AGO4: variants seen among roughly 807,000 people sequenced by gnomAD.
AGO4 encodes the protein protein argonaute-4.
Under a neutral mutation model 104.7 loss-of-function variants are expected in AGO4, and 33 were observed. The ratio of observed to expected loss-of-function variants is 0.32; its 90% CI spans 0.24 to 0.42. The LOEUF is 0.42. Ranked by LOEUF, AGO4 falls within the 10% of genes least tolerant of loss-of-function variation. The pLI is 1.00. For missense variants in AGO4, 711 were observed against 1,083.4 expected (o/e 0.66, Z 4.83); for synonymous variants, 331 against 364.7 (o/e 0.91, Z 1.05).
At chr1:35,807,667 C>A (rs773339937), upstream of AGO4, among the ~76,000 whole-genome samples, 24 of 152,028 alleles carry the variant, frequency 1.6e-4, no homozygotes, top group Non-Finnish European at 3.2e-4. Context: ...GAGAGGGACG[C>A]GCAGTTGGGT....
intron 11 of AGO4, 109 bp downstream of exon 11, chr1:35,832,679 T>G (rs753168795): frequency 3.7e-6 from 5 of 1,349,488 alleles, no homozygotes; most frequent in Non-Finnish European, 4.9e-6. Flanking sequence ...ACTCCCATAG[T>G]GACACCATCT....
Position 35,839,385 on chromosome 1 carries a change from T to G in AGO4, c.1725-1780T>G, listed in dbSNP as rs753640866. On this transcript the variant is annotated intron_variant, in intron 13 of 17. Transcript: ENST00000373210. Reference sequence around the variant, plus strand: ...ATTTTAACCCAAACATTTGAGACAATATAGTGTAGTGGCTTAGAGTGCATA... The same window carrying G: ...ATTTTAACCCAAACATTTGAGACAAGATAGTGTAGTGGCTTAGAGTGCATA... Among the ~76,000 whole-genome samples the G allele has an allele frequency of 2.0e-5, 3 of 152,284 alleles. No individual in the cohort carries two copies. The East Asian group carries it at 5.8e-4, about 29-fold the overall frequency.
rs1225061748 is a variant in AGO4 at position 35,832,106 on chromosome 1, T to A, written c.1166T>A (p.Phe389Tyr). Residue 389 changes from phenylalanine to tyrosine, a missense_variant, in exon 10 of 18, where the codon TTT becomes TAT. Physicochemically the swap from Phe to Tyr is conservative, Grantham distance 22. Around this residue, in one of 3 missense-constraint regions of AGO4, gnomAD observed 401 missense variants for 665.5 expected, o/e 0.60. Coordinates refer to ENST00000373210, the MANE Select transcript of AGO4 (RefSeq NM_017629.4). ...GGACCTGATCCATACCTTAAAGAAT[T>A]TGGTATTGTTGTCCACAATGAAATG... ...VGGPDPYLKE[F>Y]GIVVHNEMTE... 1.9e-6 allele frequency: 3 copies of A among 1,614,054 alleles called. No homozygotes were observed. In the African/African-American group the frequency reaches 4.0e-5, roughly 22 times the overall value.
intron 11 of AGO4, 23 bp downstream of exon 11, chr1:35,832,593 C>T (rs550728081): frequency 6.2e-7 from 1 of 1,610,750 alleles, no homozygotes; most frequent in African/African-American, 1.3e-5. Flanking sequence ...ATATTTTCAG[C>T]TTAGTAATAT....
intron 1 of AGO4, among the ~76,000 whole-genome samples, chr1:35,812,858 C>T (rs1198142469): frequency 6.6e-6 from 1 of 152,074 alleles, no homozygotes; most frequent in Admixed American, 6.6e-5. Context: ...TTCCAAAGTG[C>T]TGGGATTACA....
chr1:35,823,032 A>T, intron 3 of AGO4, 50 bp downstream of exon 3: 1 of 1,581,878 alleles, frequency 6.3e-7, no homozygotes, highest in Non-Finnish European at 8.6e-7. Flanking sequence ...GTAATTATAC[A>T]TGACAAAAAT....
Position 35,841,827 on chromosome 1 carries a change from T to C in AGO4, c.2175+77T>C, listed in dbSNP as rs1644453262. On this transcript the variant is annotated intron_variant, in intron 15 of 17. Transcript: ENST00000373210. This position sits in a 1 kb window ranked among gnomAD's most constrained non-coding sequence, Gnocchi z 4.7. ...ATATATGCACATATATATATATATA[T>C]ATATATATATACACCATTTTTATAC... 2.7e-5 allele frequency: 23 copies of C among 839,662 alleles called. 2 individuals carry two copies. The South Asian group carries it at 1.0e-3, about 37-fold the overall frequency. The allele number at this position is 839,662 out of a possible 1,614,324, so 52.0% of individuals were successfully genotyped here.
rs1324736756 is a variant in AGO4, at chr1:35,857,843, A to G, written c.*4238A>G. 6.6e-6 allele frequency: 1 copy of G among 152,214 alleles called. No individual in the cohort carries two copies. Among genetic ancestry groups the G allele is most frequent in the Non-Finnish European group, 1.5e-5 (1 of 68,032 alleles). The allele number at this position is 152,214 out of a possible 1,614,324, so 9.4% of individuals were successfully genotyped here. Reference sequence around the variant, plus strand: ...TTTTAAAAATTGCTATTTGGTATACAATTATTATGTGTCAATTAAAACTAA... The same window carrying G: ...TTTTAAAAATTGCTATTTGGTATACGATTATTATGTGTCAATTAAAACTAA... On this transcript the variant is annotated 3_prime_UTR_variant, in exon 18 of 18. Transcript: ENST00000373210.
At position 35,825,947 on chromosome 1, in the gene AGO4, G is replaced by A. The variant is rs1489872831; in HGVS notation, c.647G>A (p.Arg216Gln). ...TTAGTATCTGCAACTGCTTTCTACC[G>A]GGCTCAGCCTATCATTGAGTTCATG... ...NIDVSATAFY[R>Q]AQPIIEFMCE... The change falls in exon 6 of 18, where the codon CGG (arginine) becomes CAG (glutamine). Residue 216 changes from arginine (R) to glutamine (Q), a missense_variant. By Grantham distance (43) the Arg-to-Gln change is conservative. This residue lies in a region of AGO4 where 308 missense variants were observed against 397.8 expected (regional missense o/e 0.77). Coordinates refer to ENST00000373210, the MANE Select transcript of AGO4 (RefSeq NM_017629.4). 8 of 1,613,928 alleles carry A rather than the reference G, an allele frequency of 5.0e-6. No individual in the cohort carries two copies. The highest frequency in any genetic ancestry group is 1.3e-5 in the African/African-American group (1 of 74,892).
Position 35,825,278 on chromosome 1 carries a change from C to T in AGO4, c.307-35C>T, listed in dbSNP as rs545660917. On this transcript the variant is annotated intron_variant, in intron 3 of 17. Transcript: ENST00000373210. Reference sequence around the variant, plus strand: ...GGATCTTTCCCACAGCCATTGTAAACATTTGTGTTTGTATTCATGTATTTT... The same window carrying T: ...GGATCTTTCCCACAGCCATTGTAAATATTTGTGTTTGTATTCATGTATTTT... 18 of 1,598,666 alleles carry T rather than the reference C, an allele frequency of 1.1e-5. No homozygotes were observed. The East Asian group carries it at 3.8e-4, about 34-fold the overall frequency.
At chr1:35,848,541 A>G (rs1477885992) in intron 15 of AGO4, among the ~76,000 whole-genome samples, 1 of 151,992 alleles carries the variant, frequency 6.6e-6, no homozygotes, top group Non-Finnish European at 1.5e-5. Context: ...TAGCAGTCAT[A>G]TGGGTGCTCA....
chr1:35,832,418 C>CTTTTTTT lies in AGO4; in HGVS notation c.1246-12_1246-6dup. 6.9e-6 allele frequency: 8 copies of CTTTTTTT among 1,152,180 alleles called. No homozygotes were observed. The highest frequency in any genetic ancestry group is 5.7e-5 in the East Asian group (2 of 34,956). The allele number at this position is 1,152,180 out of a possible 1,614,324, so 71.4% of individuals were successfully genotyped here. A position where few individuals can be genotyped will look rare whatever the true frequency, so the allele number is the denominator to read the frequency against. On this transcript the variant is annotated intron_variant, in intron 10 of 17. Transcript: ENST00000373210. ...TTTGTTTCTTCTTCTTCTTCTTCTT[C>CTTTTTTT]TTTTTTTTTTTTTCAAAGAATAAAA... is the stretch of plus-strand genomic sequence containing the variant.
rs1171875087 is a variant in AGO4 at position 35,853,016 on chromosome 1, C to T, written c.2478-481C>T. Reference sequence around the variant, plus strand: ...CTGTAATCCCAGCACTTTGGGAGGCCGAGGCAGGCGGATCACGAGGTCAGG... The same window carrying T: ...CTGTAATCCCAGCACTTTGGGAGGCTGAGGCAGGCGGATCACGAGGTCAGG... On this transcript the variant is annotated intron_variant, in intron 17 of 17. Coordinates refer to ENST00000373210, the MANE Select transcript of AGO4 (RefSeq NM_017629.4). Among the ~76,000 whole-genome samples the T allele has an allele frequency of 2.0e-5, 3 of 151,982 alleles. No individual in the cohort carries two copies. In the East Asian group the frequency reaches 5.8e-4, roughly 29 times the overall value.
At chr1:35,840,690 C>T (rs1644421300) in intron 13 of AGO4, among the ~76,000 whole-genome samples, 1 of 152,204 alleles carries the variant, frequency 6.6e-6, no homozygotes. Flanking sequence ...GTACATAACT[C>T]ACTGCAGCCT....
chr1:35,845,079 C>T (rs1644535220), intron 15 of AGO4, among the ~76,000 whole-genome samples: 1 of 143,494 alleles, frequency 7.0e-6, no homozygotes. Flanking sequence ...AGCAAAGTGA[C>T]TTTCCAGCTT....
Position 35,825,918 on chromosome 1 carries a change from T to C in AGO4, c.626-8T>C. The C allele has an allele frequency of 6.2e-7, 1 of 1,613,732 alleles. No individual in the cohort carries two copies. The highest frequency in any genetic ancestry group is 8.5e-7 in the Non-Finnish European group (1 of 1,179,872). ...CCCTGAAGTGAAGTATCCTTCTCTG[T>C]TTGTTAGTATCTGCAACTGCTTTCT... is the stretch of plus-strand genomic sequence containing the variant. On this transcript the variant is annotated splice_region_variant and splice_polypyrimidine_tract_variant and intron_variant, in intron 5 of 17. Transcript: ENST00000373210.
At chr1:35,815,613 T>A (rs1643666351) in intron 1 of AGO4, among the ~76,000 whole-genome samples, 1 of 152,210 alleles carries the variant, frequency 6.6e-6, no homozygotes, top group East Asian at 1.9e-4. Flanking sequence ...TTCTTTAACT[T>A]ATAGAATCTT....
At chr1:35,833,442 T>G (rs968934274) in intron 11 of AGO4, among the ~76,000 whole-genome samples, 3 of 152,212 alleles carry the variant, frequency 2.0e-5, no homozygotes, top group Admixed American at 1.3e-4. Context: ...ATCTAAAATT[T>G]AAAACTTCAA....
At chr1:35,809,402 C>G (rs564588600) in intron 1 of AGO4, among the ~76,000 whole-genome samples, 1 of 152,244 alleles carries the variant, frequency 6.6e-6, no homozygotes, top group Admixed American at 6.5e-5. Flanking sequence ...TGAACTTAGT[C>G]GTAGAGTGTT....
Sources: allele counts gnomAD v4.1 joint callset (sites outside exome capture counted in the v4.1 genomes callset), GRCh38; gene constraint gnomAD v4.1.1; regional missense constraint gnomAD v4.1.1; non-coding constraint Gnocchi (gnomAD v3.1); transcripts MANE v1.5; gene names NCBI Gene and HGNC (gene_info 2026-07-23, HGNC 2026-07-21).